Variants in RBFOX1 observed in about 807,000 individuals in gnomAD.
RBFOX1 encodes the protein RNA binding fox-1 homolog 1, also known as RNA binding protein fox-1 homolog 1.
In RBFOX1, 8 loss-of-function variants were observed where a neutral mutation model predicts 57.7. That is an observed-to-expected ratio of 0.14 (90% CI 0.08 to 0.25). The LOEUF (loss-of-function observed/expected upper bound fraction) is 0.25. Ranked by LOEUF, RBFOX1 falls within the 10% of genes least tolerant of loss-of-function variation. RBFOX1 has a pLI of 1.00. For missense variants in RBFOX1, 611 were observed against 548.5 expected (o/e 1.11, Z -1.14); for synonymous variants, 326 against 222.4 (o/e 1.47, Z -4.15).
intron 3 of RBFOX1, among the ~76,000 whole-genome samples, chr16:5,624,489 G>T (rs1041350965): frequency 1.3e-5 from 2 of 152,326 alleles, no homozygotes; most frequent in East Asian, 3.9e-4. Context: ...GAGCCATCGC[G>T]CCCAGCCACC....
chr16:6,882,151 G>T (rs535728315), intron 3 of RBFOX1, among the ~76,000 whole-genome samples: 1 of 152,226 alleles, frequency 6.6e-6, no homozygotes, highest in South Asian at 2.1e-4. Context: ...GGTCTTAGAT[G>T]CCTCATTAAT....
At chr16:5,537,674 T>A (rs913532213) in intron 2 of RBFOX1, among the ~76,000 whole-genome samples, 1 of 152,238 alleles carries the variant, frequency 6.6e-6, no homozygotes, top group Non-Finnish European at 1.5e-5. Flanking sequence ...CCTGCCTCCA[T>A]CTTCAAAGCC....
intron 3 of RBFOX1, among the ~76,000 whole-genome samples, chr16:6,897,294 T>C (rs1468153183): frequency 1.3e-5 from 2 of 152,176 alleles, no homozygotes; most frequent in Non-Finnish European, 2.9e-5. Flanking sequence ...GCCCAGCTAC[T>C]CAGGAGGCTG....
At chr16:6,827,743 C>G (rs935107690) in intron 3 of RBFOX1, among the ~76,000 whole-genome samples, 1 of 152,166 alleles carries the variant, frequency 6.6e-6, no homozygotes, top group Non-Finnish European at 1.5e-5. Flanking sequence ...CTACATGGAT[C>G]TCCGGTCACC....
rs1239271216 is a variant in RBFOX1, at chr16:6,019,242, G to C, written c.-877G>C. The C allele has an allele frequency of 9.1e-6, 9 of 984,954 alleles. No homozygotes were observed. The highest frequency in any genetic ancestry group is 1.1e-5 in the Non-Finnish European group (9 of 829,954). 61.0% of individuals were successfully genotyped at this position (984,954 alleles called of 1,614,324 possible). On this transcript the variant is annotated 5_prime_UTR_variant, in exon 1 of 16. Transcript: ENST00000550418. The surrounding 1 kb of genome is among the most constrained non-coding windows in gnomAD (Gnocchi z 4.2). Reference sequence around the variant, plus strand: ...TGCTGGCCGTCTGGGTGCACACACCGCTCCCTCGATCACCCCAGCCCCCTT... The same window carrying C: ...TGCTGGCCGTCTGGGTGCACACACCCCTCCCTCGATCACCCCAGCCCCCTT...
chr16:7,013,690 C>T (rs2093762593), intron 3 of RBFOX1, among the ~76,000 whole-genome samples: 1 of 152,188 alleles, frequency 6.6e-6, no homozygotes, highest in African/African-American at 2.4e-5. Context: ...GACTGTTTTT[C>T]TCTGTTGCCC....
chr16:7,003,154 C>T (rs543981991), intron 3 of RBFOX1, among the ~76,000 whole-genome samples: 4 of 152,010 alleles, frequency 2.6e-5, no homozygotes, highest in Non-Finnish European at 4.4e-5. Context: ...AGATGCTAGA[C>T]AGATCGTTTA....
At chr16:7,053,334 A>G (rs1169007718) in intron 4 of RBFOX1, among the ~76,000 whole-genome samples, 1 of 152,002 alleles carries the variant, frequency 6.6e-6, no homozygotes, top group African/African-American at 2.4e-5. Flanking sequence ...ATTCGTTGTG[A>G]CCCTTTCCTT....
intron 2 of RBFOX1, among the ~76,000 whole-genome samples, chr16:6,514,946 G>C (rs1220506818): frequency 6.6e-6 from 1 of 152,042 alleles, no homozygotes; most frequent in African/African-American, 2.4e-5. Context: ...AGGAGGAAGA[G>C]AAGGAGTTGG....
At chr16:6,234,969 CTG>C (rs1422620756) in intron 1 of RBFOX1, among the ~76,000 whole-genome samples, 4 of 152,108 alleles carry the variant, frequency 2.6e-5, no homozygotes, top group African/African-American at 9.7e-5. Context: ...TAGGAGGACT[CTG>C]TACCACTTTT....
intron 4 of RBFOX1, among the ~76,000 whole-genome samples, chr16:7,389,710 C>G (rs933604711): frequency 6.6e-6 from 1 of 152,084 alleles, no homozygotes; most frequent in African/African-American, 2.4e-5. Flanking sequence ...CAACAGCAGT[C>G]TTGGTTAGGC....
chr16:6,862,543 C>G (rs570341244), intron 3 of RBFOX1, among the ~76,000 whole-genome samples: 3 of 152,314 alleles, frequency 2.0e-5, no homozygotes, highest in Non-Finnish European at 2.9e-5. Context: ...GATACTTAAC[C>G]AGCATCTTGA....
intron 4 of RBFOX1, among the ~76,000 whole-genome samples, chr16:7,469,164 G>T (rs1039779277): frequency 4.6e-5 from 7 of 152,028 alleles, no homozygotes; most frequent in Non-Finnish European, 8.8e-5. Context: ...TCAATCTCCT[G>T]ACCTCATGAT....
At chr16:5,699,438 G>C (rs2050957802) in intron 3 of RBFOX1, among the ~76,000 whole-genome samples, 1 of 148,820 alleles carries the variant, frequency 6.7e-6, no homozygotes, top group African/African-American at 2.5e-5. Context: ...TTCTACACTG[G>C]TTTGGAGACA....
intron 2 of RBFOX1, among the ~76,000 whole-genome samples, chr16:5,582,959 C>G (rs937220414): frequency 1.3e-5 from 2 of 152,154 alleles, no homozygotes; most frequent in East Asian, 1.9e-4. Context: ...GAGCCAGGCT[C>G]TATTGTGAGA....
intron 4 of RBFOX1, among the ~76,000 whole-genome samples, chr16:5,975,446 A>G (rs1157172023): frequency 6.6e-6 from 1 of 152,102 alleles, no homozygotes; most frequent in Non-Finnish European, 1.5e-5. Flanking sequence ...GAAGGGAAAA[A>G]CCGAGTGTGC....
intron 4 of RBFOX1, among the ~76,000 whole-genome samples, chr16:7,403,878 A>C (rs1319170757): frequency 6.6e-6 from 1 of 150,882 alleles, no homozygotes; most frequent in Non-Finnish European, 1.5e-5. Context: ...ATAATATTCT[A>C]GTACGTACAT....
chr16:5,605,164 C>G (rs1243434695), intron 3 of RBFOX1, among the ~76,000 whole-genome samples: 1 of 152,194 alleles, frequency 6.6e-6, no homozygotes, highest in African/African-American at 2.4e-5. Context: ...CTGTTTTACC[C>G]TCCAAGGTGC....
intron 1 of RBFOX1, among the ~76,000 whole-genome samples, chr16:6,074,200 A>G (rs762540227): frequency 6.6e-6 from 1 of 152,240 alleles, no homozygotes; most frequent in South Asian, 2.1e-4. Flanking sequence ...CGCCCGCCTC[A>G]GCCTACCAAA....
Sources: gnomAD v4.1 joint callset for allele counts (sites outside exome capture counted in the v4.1 genomes callset) on GRCh38, gnomAD v4.1.1 for gene constraint, Gnocchi (gnomAD v3.1) non-coding constraint, MANE v1.5 for transcripts, NCBI Gene and HGNC (gene_info 2026-07-23, HGNC 2026-07-21) for gene names.